CUX1: variants seen among roughly 807,000 people sequenced by gnomAD.
The protein encoded by CUX1 is cut like homeobox 1.
Under a neutral mutation model 158.8 loss-of-function variants are expected in CUX1, and 31 were observed. The observed-to-expected ratio is 0.20, with a 90% CI of 0.15 to 0.26. The LOEUF (loss-of-function observed/expected upper bound fraction) is 0.26, where lower values mean the gene tolerates loss of function less well. Among genes scored for constraint, CUX1 ranks in the 10% least tolerant of loss-of-function variants. The pLI, the probability that CUX1 is intolerant of heterozygous loss-of-function variation, is 1.00. For synonymous variants in CUX1, 879 were observed against 862.1 expected, an observed-to-expected ratio of 1.02 and a Z score of -0.34; for missense variants, 1,589 against 2,014.6, an observed-to-expected ratio of 0.79 and a Z score of 4.04.
intron 20 of CUX1, among the ~76,000 whole-genome samples, chr7:102,213,923 A>T (rs909093240): frequency 4.6e-5 from 7 of 152,168 alleles, no homozygotes; most frequent in Non-Finnish European, 1.0e-4. Context: ...ACCTGAGGTC[A>T]GGAGTTCAAG....
intron 2 of CUX1, among the ~76,000 whole-genome samples, chr7:101,922,780 G>A (rs1198483167): frequency 6.6e-6 from 1 of 152,176 alleles, no homozygotes; most frequent in African/African-American, 2.4e-5. Context: ...GTGGGAGATG[G>A]GTGAAGGAGC....
intron 3 of CUX1, among the ~76,000 whole-genome samples, chr7:102,061,045 C>T (rs575901188): frequency 6.6e-5 from 10 of 151,528 alleles, no homozygotes; most frequent in Non-Finnish European, 1.0e-4. Flanking sequence ...CTGCCCCAGC[C>T]TCCCCAGTAG....
At chr7:101,953,261 A>C (rs1477679845) in intron 2 of CUX1, among the ~76,000 whole-genome samples, 2 of 152,186 alleles carry the variant, frequency 1.3e-5, no homozygotes, top group Non-Finnish European at 2.9e-5. Context: ...TATTCTCTTC[A>C]TTCTCCCTCC....
In CUX1 at chr7:101,962,582, T is replaced by C. The variant is rs191298367; in HGVS notation, c.141+46357T>C. Among the ~76,000 whole-genome samples the C allele has an allele frequency of 3.3e-5, 5 of 152,276 alleles. No homozygotes were observed. In the East Asian group the frequency reaches 9.6e-4, roughly 29 times the overall value. On this transcript the variant is annotated intron_variant, in intron 2 of 23. Coordinates refer to ENST00000292535, the MANE Select transcript of CUX1 (RefSeq NM_181552.4). ...AATGCAGATACGTGTGCCCCTGTCGTGTCTGAAAGGATGATAGAAGCGAGC... is the reference window on the plus strand; with the variant it reads ...AATGCAGATACGTGTGCCCCTGTCGCGTCTGAAAGGATGATAGAAGCGAGC...
intron 8 of CUX1, among the ~76,000 whole-genome samples, chr7:102,120,254 C>T (rs956832515): frequency 4.6e-5 from 7 of 152,232 alleles, no homozygotes; most frequent in African/African-American, 7.2e-5. Context: ...AGTCCACGAT[C>T]CTATGCCCTG....
chr7:102,257,256 C>T lies in CUX1; in HGVS notation c.*8214C>T. ...GCCGGGGGCCCTGATTTTGTTCTCT[C>T]TTTGAAAGAAACCCTCCACCGAAAC... On this transcript the variant is annotated 3_prime_UTR_variant, in exon 24 of 24. Coordinates refer to ENST00000292535, the MANE Select transcript of CUX1 (RefSeq NM_181552.4). The T allele has an allele frequency of 1.0e-6, 1 of 985,234 alleles. No individual in the cohort carries two copies. The highest frequency in any genetic ancestry group is 1.2e-6 in the Non-Finnish European group (1 of 829,908). The allele number at this position is 985,234 out of a possible 1,614,324, so 61.0% of individuals were successfully genotyped here.
chr7:101,827,416 C>T (rs1392939181), intron 1 of CUX1, among the ~76,000 whole-genome samples: 1 of 152,136 alleles, frequency 6.6e-6, no homozygotes. Context: ...AGCAGTCCTC[C>T]CACATCAGCC....
intron 14 of CUX1, among the ~76,000 whole-genome samples, chr7:102,270,606 C>A (rs980199413): frequency 3.9e-5 from 6 of 152,222 alleles, no homozygotes; most frequent in African/African-American, 1.4e-4. Flanking sequence ...GCTGCCCGTG[C>A]AACTGGCCTG....
intron 1 of CUX1, among the ~76,000 whole-genome samples, chr7:101,827,173 C>A (rs1224567534): frequency 6.6e-6 from 1 of 152,020 alleles, no homozygotes; most frequent in Non-Finnish European, 1.5e-5. Flanking sequence ...GGGGCTGATC[C>A]CTTCTGCTGT....
At chr7:101,936,740 C>T (rs932958058) in intron 2 of CUX1, among the ~76,000 whole-genome samples, 6 of 152,158 alleles carry the variant, frequency 3.9e-5, no homozygotes, top group Non-Finnish European at 7.4e-5. Flanking sequence ...CCGGCCTCCT[C>T]GCTTTGGGGT....
chr7:102,130,773 C>T (rs531626532), intron 8 of CUX1, among the ~76,000 whole-genome samples: 8 of 152,232 alleles, frequency 5.3e-5, no homozygotes, highest in Admixed American at 3.9e-4. Context: ...ATGGAATAGC[C>T]TATATTTTGA....
chr7:101,838,555 A>G (rs1794880700), intron 1 of CUX1, among the ~76,000 whole-genome samples: 1 of 150,220 alleles, frequency 6.7e-6, no homozygotes, highest in Non-Finnish European at 1.5e-5. Context: ...TTATCCCAGC[A>G]CCTTGGGAGG....
chr7:101,826,560 T>C (rs2130972599), intron 1 of CUX1, among the ~76,000 whole-genome samples: 1 of 152,242 alleles, frequency 6.6e-6, no homozygotes, highest in South Asian at 2.1e-4. Context: ...GCAGTAGTGA[T>C]GGAGACTTAA....
At chr7:102,055,531 G>A (rs556796596) in intron 3 of CUX1, among the ~76,000 whole-genome samples, 22 of 152,034 alleles carry the variant, frequency 1.4e-4, no homozygotes, top group African/African-American at 5.3e-4. Context: ...TAATTGTTTG[G>A]GGACACCACA....
rs1316015722 is a variant in CUX1 at position 101,982,518 on chromosome 7, C to T, written c.142-45580C>T. On this transcript the variant is annotated intron_variant, in intron 2 of 23. Transcript: ENST00000292535. ...CTTGGCTTACTGCAACCTCTGCCTC[C>T]CAGGCTTAGGTGATTCTCATGCCTC... 4.6e-5 allele frequency among the ~76,000 whole-genome samples: 7 copies of T among 152,078 alleles called. No homozygotes were observed. In the East Asian group the frequency reaches 1.2e-3, roughly 25 times the overall value.
At position 102,256,195 on chromosome 7, in the gene CUX1, C is replaced by T; in HGVS notation, c.*7153C>T. Reference sequence around the variant, plus strand: ...CGTGATTCAGAAGCTGAGACCCTTCCCCAGTGTCTGAGGCCACAGCCATCC... The same window carrying T: ...CGTGATTCAGAAGCTGAGACCCTTCTCCAGTGTCTGAGGCCACAGCCATCC... On this transcript the variant is annotated 3_prime_UTR_variant, in exon 24 of 24. Coordinates refer to ENST00000292535, the MANE Select transcript of CUX1 (RefSeq NM_181552.4). 3 of 985,450 alleles carry T rather than the reference C, an allele frequency of 3.0e-6. No homozygotes were observed. The highest frequency in any genetic ancestry group is 3.6e-6 in the Non-Finnish European group (3 of 829,972). 61.0% of individuals were successfully genotyped at this position (985,450 alleles called of 1,614,324 possible).
At chr7:102,009,326 C>T (rs1272346520) in intron 2 of CUX1, among the ~76,000 whole-genome samples, 1 of 152,194 alleles carries the variant, frequency 6.6e-6, no homozygotes, top group African/African-American at 2.4e-5. Flanking sequence ...GATCCCTCCA[C>T]GGATGTGGCC....
At chr7:101,932,433 A>G in intron 2 of CUX1, 1 of 385,422 alleles carries the variant, frequency 2.6e-6, no homozygotes, top group Non-Finnish European at 5.3e-6. Flanking sequence ...ATACGCGCAG[A>G]GATGTTCTTT....
chr7:102,046,292 A>C (rs1822786654), intron 3 of CUX1, among the ~76,000 whole-genome samples: 1 of 151,184 alleles, frequency 6.6e-6, no homozygotes, highest in African/African-American at 2.4e-5. Flanking sequence ...GAGTGTAGGG[A>C]TGCGATTGCA....
Sources: allele counts gnomAD v4.1 joint callset (sites outside exome capture counted in the v4.1 genomes callset), GRCh38; gene constraint gnomAD v4.1.1; transcripts MANE v1.5; gene names NCBI Gene and HGNC (gene_info 2026-07-23, HGNC 2026-07-21).